AGPAT4: variants seen among roughly 807,000 people sequenced by gnomAD.
AGPAT4 encodes the protein 1-acylglycerol-3-phosphate O-acyltransferase 4.
AGPAT4 carries 15 observed loss-of-function variants against 48.0 expected under a neutral mutation model. That is an observed-to-expected ratio of 0.31 (90% confidence interval 0.21 to 0.48). The LOEUF (loss-of-function observed/expected upper bound fraction) is 0.48. AGPAT4 is among the 20% of genes least tolerant of loss of function. The probability of loss-of-function intolerance (pLI) is 0.99; values close to 1 mark genes in which losing one functional copy is unlikely to be tolerated. For missense variants in AGPAT4, 314 were observed against 482.5 expected (o/e 0.65, Z 3.27); for synonymous variants, 178 against 198.7 (o/e 0.90, Z 0.88).
chr6:161,174,038 A>G (rs200141522), intron 2 of AGPAT4, among the ~76,000 whole-genome samples: 19 of 152,204 alleles, frequency 1.2e-4, no homozygotes, highest in African/African-American at 3.6e-4. Flanking sequence ...ATGCTGTTTT[A>G]GTTACTGTAG....
chr6:161,152,297 C>T (rs894847106), intron 5 of AGPAT4, among the ~76,000 whole-genome samples: 3 of 148,014 alleles, frequency 2.0e-5, no homozygotes, highest in African/African-American at 7.4e-5. Context: ...CACAGAGGGG[C>T]GAGGGGGCCA....
At chr6:161,181,223 G>A (rs576195681) in intron 2 of AGPAT4, among the ~76,000 whole-genome samples, 1 of 152,332 alleles carries the variant, frequency 6.6e-6, no homozygotes, top group African/African-American at 2.4e-5. Flanking sequence ...GTATTCAGCA[G>A]CCCAATGCGT....
Position 161,219,864 on chromosome 6 carries a change from TAGATAGATAGGCAGGCAGGCAGGC to T in AGPAT4, c.178+12148_178+12171del, listed in dbSNP as rs1296737107. Among the ~76,000 whole-genome samples, 4 of 118,574 alleles carry T rather than the reference TAGATAGATAGGCAGGCAGGCAGGC, an allele frequency of 3.4e-5. No homozygotes were observed. Among genetic ancestry groups the T allele is most frequent in the African/African-American group, 1.4e-4 (4 of 27,812 alleles). The allele number at this position is 118,574 out of a possible 152,430, so 77.8% of individuals were successfully genotyped here. A position where few individuals can be genotyped will look rare whatever the true frequency, so the allele number is the denominator to read the frequency against. On this transcript the variant is annotated intron_variant, in intron 2 of 8. Coordinates refer to ENST00000320285, the MANE Select transcript of AGPAT4 (RefSeq NM_020133.3). The surrounding 1 kb of genome is among the most constrained non-coding windows in gnomAD (Gnocchi z 4.9). ...ATAGATAGATAGATAGATAGATAGA[TAGATAGATAGGCAGGCAGGCAGGC>T]AGGCAGGCAGGCAGGCAGGCAGGCA...
At chr6:161,150,718 G>A (rs978891366) in intron 5 of AGPAT4, among the ~76,000 whole-genome samples, 20 of 152,306 alleles carry the variant, frequency 1.3e-4, no homozygotes, top group Middle Eastern at 6.8e-3. Flanking sequence ...GAGCCCTCCT[G>A]AGGAGTAGCT....
At chr6:161,160,616 G>A (rs1334370084) in intron 3 of AGPAT4, 2 of 209,800 alleles carry the variant, frequency 9.5e-6, no homozygotes, top group African/African-American at 2.3e-5. Context: ...GATGTGCGGA[G>A]AGGAGAAGAG....
chr6:161,172,953 T>A lies in AGPAT4; in HGVS notation c.179-6536A>T, dbSNP rs1280610165. 6.6e-5 allele frequency among the ~76,000 whole-genome samples: 10 copies of A among 152,220 alleles called. No individual in the cohort carries two copies. The South Asian group carries it at 8.3e-4, about 13-fold the overall frequency. On this transcript the variant is annotated intron_variant, in intron 2 of 8. Coordinates refer to ENST00000320285, the MANE Select transcript of AGPAT4 (RefSeq NM_020133.3). ...ATGATGGTTTCCAGCTTCATCCATA[T>A]CCCTACAAAGAACATGAACTCATCC...
At position 161,137,234 on chromosome 6, in the gene AGPAT4, C is replaced by G. The variant is rs1183391924; in HGVS notation, c.1043-600G>C. ...AGCAGGGCCTAATGCTCAGAAGTTG[C>G]AATTTCAACTACACCCTCTGGAGCG... On this transcript the variant is annotated intron_variant, in intron 8 of 8. Transcript: ENST00000320285. This position sits in a 1 kb window ranked among gnomAD's most constrained non-coding sequence, Gnocchi z 6.1. Among the ~76,000 whole-genome samples, 1 of 152,208 alleles carries G rather than the reference C, an allele frequency of 6.6e-6. No homozygotes were observed. Among genetic ancestry groups the G allele is most frequent in the African/African-American group, 2.4e-5 (1 of 41,450 alleles).
At chr6:161,224,655 A>G (rs1017346514) in intron 2 of AGPAT4, among the ~76,000 whole-genome samples, 1 of 151,462 alleles carries the variant, frequency 6.6e-6, no homozygotes, top group Admixed American at 6.6e-5. Flanking sequence ...AAAAAAAAAA[A>G]AAAAAGAAAG....
intron 2 of AGPAT4, among the ~76,000 whole-genome samples, chr6:161,193,337 T>C (rs1187077038): frequency 6.6e-6 from 1 of 152,226 alleles, no homozygotes; most frequent in Non-Finnish European, 1.5e-5. Context: ...ACAGGTTCTT[T>C]TGATTCATTT....
rs921931091 is a variant in AGPAT4, at chr6:161,164,458, G to A, written c.348+1790C>T. Among the ~76,000 whole-genome samples the A allele has an allele frequency of 6.6e-6, 1 of 152,220 alleles. No homozygotes were observed. The highest frequency in any genetic ancestry group is 1.5e-5 in the Non-Finnish European group (1 of 68,034). On this transcript the variant is annotated intron_variant, in intron 3 of 8. Transcript: ENST00000320285. This position sits in a 1 kb window ranked among gnomAD's most constrained non-coding sequence, Gnocchi z 7.4. ...ATCACGAGCCAGGAAGGTATTAGAA[G>A]CCTGGTCCTTACTGCAGCTGGTCTG...
At chr6:161,153,231 C>A (rs1465142909) in intron 5 of AGPAT4, 115 bp downstream of exon 5, 2 of 1,399,696 alleles carry the variant, frequency 1.4e-6, no homozygotes, top group Admixed American at 2.1e-5. Context: ...ACTCTGAGCT[C>A]CTAGCCTCAA....
rs2114961908 is a variant in AGPAT4, at chr6:161,149,697, A to ACGCCC, written c.665-413_665-409dup. On this transcript the variant is annotated intron_variant, in intron 5 of 8. Coordinates refer to ENST00000320285, the MANE Select transcript of AGPAT4 (RefSeq NM_020133.3). The surrounding 1 kb of genome is among the most constrained non-coding windows in gnomAD (Gnocchi z 6.5). ...GCTGGGGTTACAGACACCCACCACCACGCCCAGCTAATTTTTGTATTTTTA... is the reference window on the plus strand; with the variant it reads ...GCTGGGGTTACAGACACCCACCACCACGCCCCGCCCAGCTAATTTTTGTATTTTTA... Among the ~76,000 whole-genome samples, 1 of 152,120 alleles carries ACGCCC rather than the reference A, an allele frequency of 6.6e-6. No homozygotes were observed. The highest frequency in any genetic ancestry group is 2.4e-5 in the African/African-American group (1 of 41,474).
intron 1 of AGPAT4, among the ~76,000 whole-genome samples, chr6:161,241,711 T>G (rs929404243): frequency 1.3e-5 from 2 of 152,152 alleles, no homozygotes; most frequent in African/African-American, 4.8e-5. Flanking sequence ...GTAGCTTTAA[T>G]TGCTATGAGA....
At position 161,166,161 on chromosome 6, in the gene AGPAT4, G is replaced by T. The variant is rs1780090223; in HGVS notation, c.348+87C>A. 1 of 1,510,746 alleles carries T rather than the reference G, an allele frequency of 6.6e-7. No homozygotes were observed. Among genetic ancestry groups the T allele is most frequent in the Non-Finnish European group, 9.0e-7 (1 of 1,109,222 alleles). 93.6% of individuals were successfully genotyped at this position (1,510,746 alleles called of 1,614,324 possible). A position where few individuals can be genotyped will look rare whatever the true frequency, so the allele number is the denominator to read the frequency against. Reference sequence around the variant, plus strand: ...AGAAACTCTGTTGATTCTTCTGCAAGTTCTGAATGACCAGGAGCAAAAAGA... The same window carrying T: ...AGAAACTCTGTTGATTCTTCTGCAATTTCTGAATGACCAGGAGCAAAAAGA... On this transcript the variant is annotated intron_variant, in intron 3 of 8. Transcript: ENST00000320285. The surrounding 1 kb of genome is among the most constrained non-coding windows in gnomAD (Gnocchi z 6.7).
At position 161,224,655 on chromosome 6, in the gene AGPAT4, A is replaced by AT. The variant is rs1485580226; in HGVS notation, c.178+7380_178+7381insA. 5.7e-3 allele frequency among the ~76,000 whole-genome samples: 871 copies of AT among 151,576 alleles called. 7 individuals are homozygous for AT. Among genetic ancestry groups the AT allele is most frequent in the African/African-American group, 0.02 (834 of 41,294 alleles). On this transcript the variant is annotated intron_variant, in intron 2 of 8. Transcript: ENST00000320285. ...GACTCCTTCTCAAAAAAAAAAAAAAAAAAAAGAAAGAAAACCAGACTGCAA... is the reference window on the plus strand; with the variant it reads ...GACTCCTTCTCAAAAAAAAAAAAAAATAAAAAGAAAGAAAACCAGACTGCAA...
At position 161,262,397 on chromosome 6, in the gene AGPAT4, G is replaced by C. The variant is rs1200857563; in HGVS notation, c.-90+11541C>G. 1.3e-5 allele frequency among the ~76,000 whole-genome samples: 2 copies of C among 152,164 alleles called. No individual in the cohort carries two copies. The highest frequency in any genetic ancestry group is 2.9e-5 in the Non-Finnish European group (2 of 68,036). ...TGCCGCGTCTGTCCCTGCCACACAG[G>C]GGCTACTTCCCACTGCTGTGTGTGA... On this transcript the variant is annotated intron_variant, in intron 1 of 8. Coordinates refer to ENST00000320285, the MANE Select transcript of AGPAT4 (RefSeq NM_020133.3). This position sits in a 1 kb window ranked among gnomAD's most constrained non-coding sequence, Gnocchi z 4.9.
rs773220628 is a variant in AGPAT4, at chr6:161,267,450, A to C, written c.-90+6488T>G. Among the ~76,000 whole-genome samples, 36 of 152,182 alleles carry C rather than the reference A, an allele frequency of 2.4e-4. No individual in the cohort carries two copies. The highest frequency in any genetic ancestry group is 4.6e-4 in the Non-Finnish European group (31 of 68,032). On this transcript the variant is annotated intron_variant, in intron 1 of 8. Coordinates refer to ENST00000320285, the MANE Select transcript of AGPAT4 (RefSeq NM_020133.3). This position sits in a 1 kb window ranked among gnomAD's most constrained non-coding sequence, Gnocchi z 5.2. Reference sequence around the variant, plus strand: ...AGCTGGGGAACGGGCGCAGTGGCTCACATCTGTAATCCTAGCACTTTGGGA... The same window carrying C: ...AGCTGGGGAACGGGCGCAGTGGCTCCCATCTGTAATCCTAGCACTTTGGGA...
intron 2 of AGPAT4, among the ~76,000 whole-genome samples, chr6:161,181,960 T>C (rs970258866): frequency 6.6e-6 from 1 of 152,168 alleles, no homozygotes; most frequent in Non-Finnish European, 1.5e-5. Context: ...ACATGAATGA[T>C]AGTCCCTCTG....
rs183842473 is a variant in AGPAT4, at chr6:161,245,770, C to A, written c.-89-13468G>T. On this transcript the variant is annotated intron_variant, in intron 1 of 8. Transcript: ENST00000320285. The surrounding 1 kb of genome is among the most constrained non-coding windows in gnomAD (Gnocchi z 5.2). ...CAATCCTAGTTTCTGGTAAGGAGTG[C>A]GAGGAAGGCGGGAGAATCAATATGG... Among the ~76,000 whole-genome samples, 1 of 152,014 alleles carries A rather than the reference C, an allele frequency of 6.6e-6. No individual in the cohort carries two copies. Among genetic ancestry groups the A allele is most frequent in the African/African-American group, 2.4e-5 (1 of 41,362 alleles).
Sources: allele counts gnomAD v4.1 joint callset (sites outside exome capture counted in the v4.1 genomes callset), GRCh38; gene constraint gnomAD v4.1.1; non-coding constraint Gnocchi (gnomAD v3.1); transcripts MANE v1.5; gene names NCBI Gene and HGNC (gene_info 2026-07-23, HGNC 2026-07-21).